SNTG1: variants seen among roughly 807,000 people sequenced by gnomAD.
SNTG1 encodes the protein gamma-1-syntrophin.
A neutral mutation model predicts 74.7 loss-of-function variants in SNTG1; 39 were observed. The observed-to-expected ratio is 0.52, with a 90% CI of 0.40 to 0.68. The LOEUF (loss-of-function observed/expected upper bound fraction) is 0.68, where lower values mean the gene tolerates loss of function less well. SNTG1 is among the 30% of genes least tolerant of loss of function. SNTG1 has a pLI of 0.00. For synonymous variants in SNTG1, 254 were observed against 217.1 expected (o/e 1.17, Z -1.49); for missense variants, 685 against 609.5 (o/e 1.12, Z -1.30).
chr8:50,126,029 T>C (rs2081127163), intron 1 of SNTG1, among the ~76,000 whole-genome samples: 1 of 152,172 alleles, frequency 6.6e-6, no homozygotes, highest in Non-Finnish European at 1.5e-5. Flanking sequence ...TGCCATGCTT[T>C]GAACTTTATG....
At chr8:50,233,297 A>G (rs1448303251) in intron 2 of SNTG1, among the ~76,000 whole-genome samples, 2 of 151,670 alleles carry the variant, frequency 1.3e-5, no homozygotes, top group African/African-American at 4.8e-5. Context: ...TTCAAAAGCA[A>G]TTAAATGGAG....
chr8:50,717,005 G>A (rs1253223479), intron 17 of SNTG1, among the ~76,000 whole-genome samples: 1 of 152,004 alleles, frequency 6.6e-6, no homozygotes, highest in Non-Finnish European at 1.5e-5. Flanking sequence ...CAAAATGCTG[G>A]GATTACAGGC....
chr8:50,280,351 G>A (rs180714820), intron 2 of SNTG1, among the ~76,000 whole-genome samples: 1 of 152,274 alleles, frequency 6.6e-6, no homozygotes, highest in Non-Finnish European at 1.5e-5. Context: ...GATGTGGGTT[G>A]GGCTTAAAAC....
At chr8:50,138,628 C>CAACAAT (rs397892914) in intron 1 of SNTG1, among the ~76,000 whole-genome samples, 1 of 140,864 alleles carries the variant, frequency 7.1e-6, no homozygotes, top group Non-Finnish European at 1.5e-5. Context: ...TCTGTCTCAA[C>CAACAAT]AATAATAATA....
chr8:50,515,158 G>A (rs954515917), intron 9 of SNTG1, among the ~76,000 whole-genome samples: 1 of 152,046 alleles, frequency 6.6e-6, no homozygotes, highest in Non-Finnish European at 1.5e-5. Flanking sequence ...ATATCTTGGA[G>A]ATATTGCCGG....
At chr8:50,033,208 C>T (rs193094902) in intron 1 of SNTG1, among the ~76,000 whole-genome samples, 2 of 151,948 alleles carry the variant, frequency 1.3e-5, no homozygotes, top group East Asian at 3.9e-4. Context: ...ACCACAACCT[C>T]TGCCTCCTGA....
At chr8:50,369,610 A>AAAAAAAG (rs1554650512) in intron 2 of SNTG1, among the ~76,000 whole-genome samples, 1 of 151,926 alleles carries the variant, frequency 6.6e-6, no homozygotes, top group Non-Finnish European at 1.5e-5. Context: ...AAGAAAAAAA[A>AAAAAAAG]AAAAGAAAAG....
chr8:50,061,688 T>C (rs976581347), intron 1 of SNTG1, among the ~76,000 whole-genome samples: 3 of 152,160 alleles, frequency 2.0e-5, no homozygotes, highest in African/African-American at 7.2e-5. Context: ...TTCTATATCT[T>C]CATATTAATT....
At chr8:49,955,614 AT>A (rs1342764691) in intron 1 of SNTG1, among the ~76,000 whole-genome samples, 1 of 152,190 alleles carries the variant, frequency 6.6e-6, no homozygotes, top group Non-Finnish European at 1.5e-5. Context: ...TTTGATTTTA[AT>A]TGACTTGCTG....
At chr8:50,379,839 C>T (rs1396591224) in intron 2 of SNTG1, among the ~76,000 whole-genome samples, 1 of 152,180 alleles carries the variant, frequency 6.6e-6, no homozygotes, top group Non-Finnish European at 1.5e-5. Context: ...ACAGGGCTGC[C>T]CCCTTAAACA....
intron 2 of SNTG1, among the ~76,000 whole-genome samples, chr8:50,215,639 AG>A (rs975412648): frequency 3.3e-5 from 5 of 151,818 alleles, no homozygotes; most frequent in African/African-American, 1.2e-4. Flanking sequence ...TAATTTTAAA[AG>A]TATTATCAAT....
chr8:50,177,508 G>T (rs1033201950), intron 2 of SNTG1, among the ~76,000 whole-genome samples: 1 of 152,184 alleles, frequency 6.6e-6, no homozygotes, highest in Non-Finnish European at 1.5e-5. Context: ...AGTTACAGCT[G>T]TACAGTGTCT....
chr8:50,792,615 A>G, intron 18 of SNTG1, 56 bp from the exon 19 acceptor site: 1 of 1,504,398 alleles, frequency 6.6e-7, no homozygotes, highest in Non-Finnish European at 8.9e-7. Flanking sequence ...AGCTATTATA[A>G]ATTTTTAAAG....
At chr8:50,014,597 G>A (rs1003096149) in intron 1 of SNTG1, among the ~76,000 whole-genome samples, 4 of 152,142 alleles carry the variant, frequency 2.6e-5, no homozygotes, top group African/African-American at 9.6e-5. Flanking sequence ...GGAAGTGAAG[G>A]CTAGTCTGTC....
At chr8:50,612,273 C>A (rs2094855928) in intron 13 of SNTG1, among the ~76,000 whole-genome samples, 2 of 152,068 alleles carry the variant, frequency 1.3e-5, no homozygotes, top group African/African-American at 2.4e-5. Flanking sequence ...TATACAGGAT[C>A]TTTTACACAT....
At chr8:50,028,638 C>T (rs1330194723) in intron 1 of SNTG1, among the ~76,000 whole-genome samples, 2 of 151,644 alleles carry the variant, frequency 1.3e-5, no homozygotes, top group Non-Finnish European at 2.9e-5. Context: ...ATACCTAATG[C>T]TAGATGACGA....
chr8:50,531,084 T>A (rs868755898), intron 10 of SNTG1, among the ~76,000 whole-genome samples: 1 of 152,202 alleles, frequency 6.6e-6, no homozygotes, highest in Non-Finnish European at 1.5e-5. Flanking sequence ...ATTTGAAATT[T>A]TTGTCAAAAT....
At chr8:50,570,591 G>GTTA (rs61229968) in intron 12 of SNTG1, among the ~76,000 whole-genome samples, 320 of 130,140 alleles carry the variant, frequency 2.5e-3, no homozygotes, top group South Asian at 8.5e-3. Context: ...TATTATTGTT[G>GTTA]TTATTATTAT....
At chr8:50,114,593 G>T (rs773840318) in intron 1 of SNTG1, among the ~76,000 whole-genome samples, 6 of 152,272 alleles carry the variant, frequency 3.9e-5, no homozygotes, top group Non-Finnish European at 8.8e-5. Flanking sequence ...AAAGCCGGGC[G>T]CAGTGGCTCA....
Sources: allele counts gnomAD v4.1 joint callset (sites outside exome capture counted in the v4.1 genomes callset), GRCh38; gene constraint gnomAD v4.1.1; transcripts MANE v1.5; gene names NCBI Gene and HGNC (gene_info 2026-07-23, HGNC 2026-07-21).